The following CPEB3 variants were observed in gnomAD, a reference collection of about 807,000 sequenced individuals.
CPEB3 encodes the protein cytoplasmic polyadenylation element-binding protein 3.
CPEB3 carries 20 observed loss-of-function variants against 67.2 expected under a neutral mutation model. That is an observed-to-expected ratio of 0.30 (90% CI 0.21 to 0.43). The LOEUF is 0.43. CPEB3 is among the 20% of genes least tolerant of loss of function. The pLI, the probability that CPEB3 is intolerant of heterozygous loss-of-function variation, is 1.00. For missense variants in CPEB3, 746 were observed against 968.6 expected, an observed-to-expected ratio of 0.77 and a Z score of 3.05; for synonymous variants, 376 against 393.1, an observed-to-expected ratio of 0.96 and a Z score of 0.51.
At chr10:92,277,848 G>T (rs752169519) in intron 1 of CPEB3, among the ~76,000 whole-genome samples, 1 of 151,826 alleles carries the variant, frequency 6.6e-6, no homozygotes, top group East Asian at 1.9e-4. Flanking sequence ...TTGAGATCGC[G>T]CCACTGTACT....
rs184013883 is a variant in CPEB3, at chr10:92,283,566, G to A, written c.-12+7360C>T. On this transcript the variant is annotated intron_variant, in intron 1 of 9. Transcript: ENST00000265997. Reference sequence around the variant, plus strand: ...TCTCTAACATTAATAATCACTTAGAGAACTTGTTAAAAAGACAGCTAATTA... The same window carrying A: ...TCTCTAACATTAATAATCACTTAGAAAACTTGTTAAAAAGACAGCTAATTA... 3.3e-5 allele frequency among the ~76,000 whole-genome samples: 5 copies of A among 152,176 alleles called. No individual in the cohort carries two copies. The East Asian group carries it at 9.7e-4, about 29-fold the overall frequency.
chr10:92,214,091 G>T (rs1174140204), intron 2 of CPEB3, among the ~76,000 whole-genome samples: 1 of 152,086 alleles, frequency 6.6e-6, no homozygotes, highest in Admixed American at 6.6e-5. Flanking sequence ...ACCTGCTATG[G>T]ACTGAATGTC....
Position 92,239,413 on chromosome 10 carries a change from G to A in CPEB3, c.938C>T (p.Thr313Ile), listed in dbSNP as rs1428333328. 2.5e-6 allele frequency: 4 copies of A among 1,604,920 alleles called. No homozygotes were observed. The highest frequency in any genetic ancestry group is 1.7e-4 in the Middle Eastern group (1 of 5,932). Residue 313 changes from threonine (T) to isoleucine (I), a missense_variant, in exon 2 of 10, where the codon ACT becomes ATT. Physicochemically the swap from Thr to Ile is moderately conservative, Grantham distance 89. Around this residue, in one of 2 missense-constraint regions of CPEB3, gnomAD observed 643 missense variants for 717.5 expected, o/e 0.90. Transcript: ENST00000265997. This position sits in a 1 kb window ranked among gnomAD's most constrained non-coding sequence, Gnocchi z 6.0. ...PPKFPRAAPL[T>I]SKSWMEDNAF... ...GTTATCCTCCATCCAGGACTTGGAA[G>A]TGAGAGGGGCCGCGCGAGGGAACTT...
intron 1 of CPEB3, among the ~76,000 whole-genome samples, chr10:92,268,372 A>C (rs1853155436): frequency 6.6e-6 from 1 of 152,184 alleles, no homozygotes; most frequent in African/African-American, 2.4e-5. Context: ...TCACACCTGT[A>C]ATCTCAGCAC....
chr10:92,225,656 TAA>T, intron 2 of CPEB3, among the ~76,000 whole-genome samples: 1 of 152,308 alleles, frequency 6.6e-6, no homozygotes, highest in Middle Eastern at 3.4e-3. Context: ...ATAAATTATA[TAA>T]AATGTTAAAA....
At chr10:92,169,577 T>G (rs1205001209) in intron 4 of CPEB3, among the ~76,000 whole-genome samples, 1 of 152,212 alleles carries the variant, frequency 6.6e-6, no homozygotes, top group Non-Finnish European at 1.5e-5. Flanking sequence ...ATGTTGGGTA[T>G]CCTTCTCCCA....
At chr10:92,263,469 G>A (rs1852901642) in intron 1 of CPEB3, among the ~76,000 whole-genome samples, 1 of 152,226 alleles carries the variant, frequency 6.6e-6, no homozygotes, top group Admixed American at 6.5e-5. Flanking sequence ...ATCGTCCAGT[G>A]GATGGGATGG....
In CPEB3 at chr10:92,054,584, C is replaced by T. The variant is rs745932153; in HGVS notation, c.1870-2145G>A. Among the ~76,000 whole-genome samples, 6 of 152,066 alleles carry T rather than the reference C, an allele frequency of 3.9e-5. No homozygotes were observed. In the East Asian group the frequency reaches 9.7e-4, roughly 25 times the overall value. On this transcript the variant is annotated intron_variant, in intron 9 of 9. Coordinates refer to ENST00000265997, the MANE Select transcript of CPEB3 (RefSeq NM_014912.5). The stretch of plus-strand genomic sequence containing the variant: ...CCTCCCAAGTAGCTGGGATTACAGG[C>T]GCCCATCACCACACCCAAATATAAT...
At chr10:92,059,151 A>AC (rs1463009412) in intron 9 of CPEB3, among the ~76,000 whole-genome samples, 1 of 151,814 alleles carries the variant, frequency 6.6e-6, no homozygotes, top group Non-Finnish European at 1.5e-5. Flanking sequence ...ACATGGTGAA[A>AC]CCCCGTCTCT....
At chr10:92,236,094 G>A (rs1590480716) in intron 2 of CPEB3, among the ~76,000 whole-genome samples, 1 of 152,184 alleles carries the variant, frequency 6.6e-6, no homozygotes, top group African/African-American at 2.4e-5. Context: ...CCCCAGTGGA[G>A]TGCCTCTCTG....
At chr10:92,283,477 A>G (rs902684870) in intron 1 of CPEB3, among the ~76,000 whole-genome samples, 1 of 152,162 alleles carries the variant, frequency 6.6e-6, no homozygotes. Context: ...ACCTGCCCAA[A>G]TCAAATCACC....
intron 1 of CPEB3, among the ~76,000 whole-genome samples, chr10:92,280,930 T>C (rs1842269498): frequency 6.6e-6 from 1 of 150,568 alleles, no homozygotes; most frequent in Non-Finnish European, 1.5e-5. Flanking sequence ...CGGCTAATTT[T>C]TGCATTATTA....
At chr10:92,246,074 G>C (rs1852049103) in intron 1 of CPEB3, among the ~76,000 whole-genome samples, 1 of 150,896 alleles carries the variant, frequency 6.6e-6, no homozygotes, top group African/African-American at 2.4e-5. Flanking sequence ...GGTGGCTCAA[G>C]CCTGTAATCC....
At chr10:92,258,849 G>T (rs914293630) in intron 1 of CPEB3, among the ~76,000 whole-genome samples, 2 of 151,132 alleles carry the variant, frequency 1.3e-5, no homozygotes, top group African/African-American at 2.4e-5. Context: ...AGTAGAGATG[G>T]GGTTTTCACC....
chr10:92,154,067 G>C (rs1260523361), intron 4 of CPEB3, among the ~76,000 whole-genome samples: 1 of 152,170 alleles, frequency 6.6e-6, no homozygotes, highest in Non-Finnish European at 1.5e-5. Context: ...ATGGACAATA[G>C]TTTCATGGAG....
At position 92,091,836 on chromosome 10, in the gene CPEB3, G is replaced by A. The variant is rs767977151; in HGVS notation, c.1681C>T (p.Arg561Ter). The A allele has an allele frequency of 6.2e-7, 1 of 1,601,050 alleles. No individual in the cohort carries two copies. The highest frequency in any genetic ancestry group is 8.5e-7 in the Non-Finnish European group (1 of 1,170,138). The change falls in exon 8 of 10, where the codon CGA (arginine) becomes TGA (stop). Residue 561 changes from arginine to a stop codon, truncating the protein, a stop_gained. Transcript: ENST00000265997. LOFTEE classifies it high-confidence loss of function. ...IFVGGVPRPLRAVELAMIMDR... is the reference protein window; with the variant it reads ...IFVGGVPRPL ...TATTACTATTTCCACTCACCAGCTCGAAGGGGTCGTGGAACTCCCCCAACA... is the reference window on the plus strand; with the variant it reads ...TATTACTATTTCCACTCACCAGCTCAAAGGGGTCGTGGAACTCCCCCAACA...
chr10:92,252,063 A>G (rs1852326748), intron 1 of CPEB3, among the ~76,000 whole-genome samples: 3 of 152,054 alleles, frequency 2.0e-5, no homozygotes. Context: ...TTTTTTCAAC[A>G]AAAGACTTGT....
intron 2 of CPEB3, among the ~76,000 whole-genome samples, chr10:92,205,424 C>T (rs1227316755): frequency 1.4e-5 from 2 of 144,732 alleles, no homozygotes; most frequent in African/African-American, 5.0e-5. Flanking sequence ...GTAGATATTA[C>T]AATATCTTTT....
chr10:92,106,018 G>A (rs549508079), intron 7 of CPEB3, among the ~76,000 whole-genome samples: 8 of 151,958 alleles, frequency 5.3e-5, no homozygotes, highest in South Asian at 4.2e-4. Context: ...TCAACATCCC[G>A]AGTAGCTGGA....
Sources: gnomAD v4.1 joint callset for allele counts (sites outside exome capture counted in the v4.1 genomes callset) on GRCh38, gnomAD v4.1.1 for gene constraint, gnomAD v4.1.1 regional missense constraint, Gnocchi (gnomAD v3.1) non-coding constraint, MANE v1.5 for transcripts, NCBI Gene and HGNC (gene_info 2026-07-23, HGNC 2026-07-21) for gene names.